Variants in WTAP observed in about 807,000 individuals in gnomAD.
The protein encoded by WTAP is WT1 associated protein, also known as pre-mRNA-splicing regulator WTAP.
A neutral mutation model predicts 50.0 loss-of-function variants in WTAP; 8 were observed. That is an observed-to-expected ratio of 0.16 (90% confidence interval 0.09 to 0.29). The LOEUF (loss-of-function observed/expected upper bound fraction) is 0.29. Among genes scored for constraint, WTAP ranks in the 10% least tolerant of loss-of-function variants. The pLI, the probability that WTAP is intolerant of heterozygous loss-of-function variation, is 1.00. For missense variants in WTAP, 295 were observed against 470.7 expected (o/e 0.63, Z 3.45); for synonymous variants, 194 against 169.0 (o/e 1.15, Z -1.15).
chr6:159,726,858 GCTT>G (rs1778192432), upstream of WTAP: 2 of 1,289,122 alleles, frequency 1.6e-6, no homozygotes, highest in Admixed American at 2.3e-5. Flanking sequence ...TTACAGGTGA[GCTT>G]CTGCTAAGAG....
intron 1 of WTAP, among the ~76,000 whole-genome samples, chr6:159,727,924 G>A (rs1372197639): frequency 6.6e-6 from 1 of 152,236 alleles, no homozygotes; most frequent in Non-Finnish European, 1.5e-5. Context: ...CCCAAGGCCC[G>A]GGTTGAGAGG....
chr6:159,733,501 A>G (rs1165894103), intron 1 of WTAP, among the ~76,000 whole-genome samples: 1 of 152,172 alleles, frequency 6.6e-6, no homozygotes, highest in Non-Finnish European at 1.5e-5. Flanking sequence ...ACATGCCTGT[A>G]GTCCCAGGTA....
intron 1 of WTAP, among the ~76,000 whole-genome samples, chr6:159,729,528 C>T (rs1369246675): frequency 6.6e-6 from 1 of 152,156 alleles, no homozygotes; most frequent in African/African-American, 2.4e-5. Context: ...TCTAAGTGCA[C>T]ATTGAAGTTG....
chr6:159,740,887 A>G (rs1779218474), intron 3 of WTAP, among the ~76,000 whole-genome samples: 2 of 151,868 alleles, frequency 1.3e-5, no homozygotes, highest in Admixed American at 6.6e-5. Context: ...TATTTTCAGT[A>G]GAGACGGGAT....
At chr6:159,735,757 TAAAAA>T (rs1045001807) in intron 1 of WTAP, among the ~76,000 whole-genome samples, 1 of 151,766 alleles carries the variant, frequency 6.6e-6, no homozygotes, top group African/African-American at 2.4e-5. Flanking sequence ...TCAAAAAAAA[TAAAAA>T]TAAAATATAT....
rs1402868444 is a variant in WTAP at position 159,755,749 on chromosome 6, G to GTTTTTTTTTTTTTTTGTTTTT, written c.*148_*149insTTTTTGTTTTTTTTTTTTTTT. ...TTTTTTTTTGTTGTTTTTTTTCTTT[G>GTTTTTTTTTTTTTTTGTTTTT]TTTTTTTTTTCTTTTCTTTTTTTTT... On this transcript the variant is annotated 3_prime_UTR_variant, in exon 8 of 8. Coordinates refer to ENST00000621533, the MANE Select transcript of WTAP (RefSeq NM_001270531.2). The GTTTTTTTTTTTTTTTGTTTTT allele has an allele frequency of 3.3e-6, 1 of 300,296 alleles. No individual in the cohort carries two copies. The highest frequency in any genetic ancestry group is 4.3e-6 in the Non-Finnish European group (1 of 234,356). The allele number at this position is 300,296 out of a possible 1,614,324, so 18.6% of individuals were successfully genotyped here. A position where few individuals can be genotyped will look rare whatever the true frequency, so the allele number is the denominator to read the frequency against.
chr6:159,727,236 G>A (rs557824718), upstream of WTAP: 2,333 of 1,278,544 alleles, frequency 1.8e-3, 3 homozygotes, highest in Admixed American at 2.4e-3. Context: ...GGCCCCGATC[G>A]GGCTAGGCCG....
At chr6:159,732,465 TAGATAC>T (rs1193715892) in intron 1 of WTAP, among the ~76,000 whole-genome samples, 1 of 152,218 alleles carries the variant, frequency 6.6e-6, no homozygotes, top group East Asian at 1.9e-4. Flanking sequence ...CGTATATACA[TAGATAC>T]AGATACTGAT....
rs75968143 is a variant in WTAP at position 159,754,009 on chromosome 6, G to A, written c.607+395G>A. Among the ~76,000 whole-genome samples, 791 of 152,290 alleles carry A rather than the reference G, an allele frequency of 5.2e-3. 5 individuals are homozygous for A. Among genetic ancestry groups the A allele is most frequent in the African/African-American group, 0.018 (749 of 41,570 alleles). ...TTTTCAGCGATCTGAAAGTAATAAAGTTGATTGTATCTGTGAAGGTTTTAT... is the reference window on the plus strand; with the variant it reads ...TTTTCAGCGATCTGAAAGTAATAAAATTGATTGTATCTGTGAAGGTTTTAT... On this transcript the variant is annotated intron_variant, in intron 7 of 7. Coordinates refer to ENST00000621533, the MANE Select transcript of WTAP (RefSeq NM_001270531.2).
chr6:159,750,867 T>C (rs1025345349), intron 6 of WTAP, among the ~76,000 whole-genome samples: 4 of 152,200 alleles, frequency 2.6e-5, no homozygotes, highest in African/African-American at 9.7e-5. Context: ...TTTCCAGTGG[T>C]GGAATGGGTT....
At chr6:159,726,880 C>A, upstream of WTAP, 1 of 1,289,202 alleles carries the variant, frequency 7.8e-7, no homozygotes, top group Non-Finnish European at 1.0e-6. Flanking sequence ...AGTAAACGCC[C>A]GCGGCTCGCC....
upstream of WTAP, chr6:159,727,038 C>G (rs1035960474): frequency 1.6e-6 from 2 of 1,226,522 alleles, no homozygotes; most frequent in Non-Finnish European, 2.1e-6. Flanking sequence ...CAGGTGGCCC[C>G]GGCGAGTACT....
intron 6 of WTAP, among the ~76,000 whole-genome samples, chr6:159,752,895 G>C (rs748737962): frequency 1.3e-5 from 2 of 152,156 alleles, no homozygotes; most frequent in Non-Finnish European, 2.9e-5. Context: ...ATGTGTGCCT[G>C]GCTACTTTTT....
intron 1 of WTAP, among the ~76,000 whole-genome samples, chr6:159,728,811 C>T (rs1778388377): frequency 6.6e-6 from 1 of 152,170 alleles, no homozygotes; most frequent in African/African-American, 2.4e-5. Context: ...GTGTTTCTTA[C>T]AGTGCTTTTA....
chr6:159,750,642 CTT>C (rs965139168), intron 6 of WTAP, among the ~76,000 whole-genome samples: 1 of 152,030 alleles, frequency 6.6e-6, no homozygotes, highest in Non-Finnish European at 1.5e-5. Context: ...TACTTGGTCT[CTT>C]TGGCATTTTT....
upstream of WTAP, chr6:159,727,321 A>C: frequency 7.9e-7 from 1 of 1,268,650 alleles, no homozygotes; most frequent in Non-Finnish European, 1.0e-6. Context: ...CACGCCTGAA[A>C]GGCGACTCTC....
chr6:159,752,486 G>A (rs1346318627), intron 6 of WTAP, among the ~76,000 whole-genome samples: 1 of 152,066 alleles, frequency 6.6e-6, no homozygotes, highest in Non-Finnish European at 1.5e-5. Flanking sequence ...CAATTGCTAT[G>A]TATGTGCACA....
intron 1 of WTAP, among the ~76,000 whole-genome samples, chr6:159,727,966 C>T (rs1053154709): frequency 1.3e-5 from 2 of 152,236 alleles, no homozygotes; most frequent in African/African-American, 2.4e-5. Flanking sequence ...ACCGGCCACT[C>T]ACGGAGGCCG....
At chr6:159,726,877 G>A (rs1467080698), upstream of WTAP, 1 of 1,289,178 alleles carries the variant, frequency 7.8e-7, no homozygotes, top group Non-Finnish European at 1.0e-6. Flanking sequence ...AAGAGTAAAC[G>A]CCCGCGGCTC....
Sources: gnomAD v4.1 joint callset for allele counts (sites outside exome capture counted in the v4.1 genomes callset) on GRCh38, gnomAD v4.1.1 for gene constraint, MANE v1.5 for transcripts, NCBI Gene and HGNC (gene_info 2026-07-23, HGNC 2026-07-21) for gene names.